The following ZNF92 variants were observed in gnomAD, a reference collection of about 807,000 sequenced individuals.
ZNF92 encodes the protein epididymis luminal protein 203.
A neutral mutation model predicts 12.4 loss-of-function variants in ZNF92; 11 were observed. The observed-to-expected ratio is 0.89, with a 90% CI of 0.56 to 1.47. The LOEUF (loss-of-function observed/expected upper bound fraction) is 1.47, where lower values mean the gene tolerates loss of function less well. Among genes scored for constraint, ZNF92 ranks in the 40% most tolerant of loss-of-function variants. ZNF92 has a pLI of 0.00. For missense variants in ZNF92, 622 were observed against 681.0 expected (o/e 0.91, Z 0.96); for synonymous variants, 206 against 228.6 (o/e 0.90, Z 0.89).
chr7:65,383,624 A>G (rs1484123190), intron 1 of ZNF92, among the ~76,000 whole-genome samples: 2 of 152,076 alleles, frequency 1.3e-5, no homozygotes, highest in South Asian at 2.1e-4. Flanking sequence ...AAAGCATCTT[A>G]GGAGTGAGAG....
At position 65,398,734 on chromosome 7, in the gene ZNF92, G is replaced by A. The variant is rs754143218; in HGVS notation, c.620G>A (p.Gly207Asp). The change falls in exon 4 of 4, where the codon GGT becomes GAT. Residue 207 changes from glycine (G) to aspartate (D), a missense_variant. Transcript: ENST00000328747. ...TATTCTTACAAATGTGAAGAATGTG[G>A]TAAAGCCTTTAACTGGTCCTCAACC... Reference protein sequence around the residue: ...REYSYKCEECGKAFNWSSTLT... With the variant: ...REYSYKCEECDKAFNWSSTLT... 30 of 1,612,578 alleles carry A rather than the reference G, an allele frequency of 1.9e-5. No homozygotes were observed. Among genetic ancestry groups the A allele is most frequent in the Non-Finnish European group, 2.3e-5 (27 of 1,179,604 alleles).
intron 3 of ZNF92, among the ~76,000 whole-genome samples, chr7:65,392,582 G>A (rs992647863): frequency 5.3e-5 from 8 of 150,668 alleles, no homozygotes; most frequent in Non-Finnish European, 8.8e-5. Context: ...TGTTGCCCAG[G>A]CTGGAGTACA....
rs760829526 is a variant in ZNF92 at position 65,387,955 on chromosome 7, A to G, written c.57A>G (p.Gln19=). The G allele has an allele frequency of 1.2e-6, 2 of 1,606,880 alleles. No homozygotes were observed. The highest frequency in any genetic ancestry group is 1.7e-6 in the Non-Finnish European group (2 of 1,177,560). ...TAGAATTCTCTCTAGAGGAATGGCA[A>G]TGCCTGGACACTGCGCAGCGGAATT... is the stretch of plus-strand genomic sequence containing the variant. The part of the protein sequence containing the change: ...VKIEFSLEEW[Q]CLDTAQRNLY... Residue 19 remains glutamine (Q), a synonymous_variant, in exon 2 of 4, where the codon CAA becomes CAG. Coordinates refer to ENST00000328747, the MANE Select transcript of ZNF92 (RefSeq NM_152626.4).
chr7:65,396,648 T>G (rs1035438776), intron 3 of ZNF92, among the ~76,000 whole-genome samples: 1 of 152,064 alleles, frequency 6.6e-6, no homozygotes, highest in African/African-American at 2.4e-5. Flanking sequence ...CTGTGCAGCA[T>G]TATTTTATTT....
intron 3 of ZNF92, 117 bp downstream of exon 3, chr7:65,389,018 G>C: frequency 1.2e-6 from 1 of 856,322 alleles, no homozygotes; most frequent in Non-Finnish European, 1.7e-6. Context: ...GGAGTGCAAG[G>C]GTGTGATCTT....
At chr7:65,375,596 G>GAAAA (rs563978435) in intron 1 of ZNF92, among the ~76,000 whole-genome samples, 2 of 145,280 alleles carry the variant, frequency 1.4e-5, no homozygotes, top group African/African-American at 2.5e-5. Flanking sequence ...AAGATTTGTG[G>GAAAA]AAAAAAAAAA....
At position 65,389,228 on chromosome 7, in the gene ZNF92, G is replaced by A. The variant is rs538987247; in HGVS notation, c.226+327G>A. ...CCCGCCTCAGCCTTCCAAAAGTGCT[G>A]GGATTACAGGCGTGAGCCACTGCGC... On this transcript the variant is annotated intron_variant, in intron 3 of 3. Transcript: ENST00000328747. Among the ~76,000 whole-genome samples, 7 of 152,146 alleles carry A rather than the reference G, an allele frequency of 4.6e-5. No homozygotes were observed. In the South Asian group the frequency reaches 1.2e-3, roughly 27 times the overall value.
intron 1 of ZNF92, among the ~76,000 whole-genome samples, chr7:65,381,997 C>T (rs568313259): frequency 3.3e-5 from 5 of 152,206 alleles, no homozygotes; most frequent in African/African-American, 1.2e-4. Flanking sequence ...TCAACCATTT[C>T]TATAGGAGAG....
intron 1 of ZNF92, 31 bp downstream of exon 1, chr7:65,374,031 A>AG: frequency 6.2e-7 from 1 of 1,613,902 alleles, no homozygotes; most frequent in Non-Finnish European, 8.5e-7. Context: ...ATCCCGAGAG[A>AG]GGGGGAGGGT....
intron 1 of ZNF92, among the ~76,000 whole-genome samples, chr7:65,387,328 A>C (rs1336479266): frequency 1.3e-5 from 2 of 150,118 alleles, no homozygotes; most frequent in African/African-American, 4.9e-5. Context: ...TTTTCTTTGC[A>C]TATATCTGTC....
chr7:65,400,344 C>G lies in ZNF92; in HGVS notation c.*469C>G, dbSNP rs1185895576. 6.6e-6 allele frequency: 1 copy of G among 152,124 alleles called. No individual in the cohort carries two copies. The highest frequency in any genetic ancestry group is 2.4e-5 in the African/African-American group (1 of 41,382). The allele number at this position is 152,124 out of a possible 1,614,324, so 9.4% of individuals were successfully genotyped here. A position where few individuals can be genotyped will look rare whatever the true frequency, so the allele number is the denominator to read the frequency against. On this transcript the variant is annotated 3_prime_UTR_variant, in exon 4 of 4. Coordinates refer to ENST00000328747, the MANE Select transcript of ZNF92 (RefSeq NM_152626.4). ...AACCCTAAAGCATTAGTTGCTCAAA[C>G]TTTGTTCGACATCAGGGAATTTGTA...
chr7:65,394,330 A>G (rs913061478), intron 3 of ZNF92, among the ~76,000 whole-genome samples: 1 of 151,830 alleles, frequency 6.6e-6, no homozygotes, highest in Non-Finnish European at 1.5e-5. Context: ...TTGTGTGCTC[A>G]TGGCAACTTT....
chr7:65,376,850 T>A (rs1324000125), intron 1 of ZNF92, among the ~76,000 whole-genome samples: 1 of 152,166 alleles, frequency 6.6e-6, no homozygotes, highest in East Asian at 1.9e-4. Context: ...CCATTTTGGC[T>A]GTAGAAAATG....
intron 1 of ZNF92, among the ~76,000 whole-genome samples, chr7:65,378,737 G>A (rs955246651): frequency 1.3e-4 from 11 of 84,248 alleles, no homozygotes; most frequent in Non-Finnish European, 2.7e-4. Flanking sequence ...GCAAGACTCC[G>A]TCTCAAAAAA....
intron 1 of ZNF92, among the ~76,000 whole-genome samples, chr7:65,380,567 C>G (rs937281790): frequency 2.0e-5 from 3 of 152,160 alleles, no homozygotes; most frequent in Non-Finnish European, 4.4e-5. Context: ...CCACTATGCT[C>G]AACCACAATG....
intron 2 of ZNF92, 123 bp from the exon 3 acceptor site, chr7:65,388,683 A>T: frequency 1.3e-6 from 1 of 741,464 alleles, no homozygotes; most frequent in Non-Finnish European, 2.0e-6. Context: ...TATTTGTCAT[A>T]AATTAGTATT....
Position 65,399,121 on chromosome 7 carries a change from C to T in ZNF92, c.1007C>T (p.Thr336Ile). ...SILKKHKIIHTGEKPYKCEEC... is the reference protein window; with the variant it reads ...SILKKHKIIHIGEKPYKCEEC... ...CTTAAAAAACATAAGATAATCCATA[C>T]TGGGGAAAAACCATACAAATGTGAA... Residue 336 changes from threonine (T) to isoleucine (I), a missense_variant, in exon 4 of 4, where the codon ACT becomes ATT. Transcript: ENST00000328747. 3 of 1,612,696 alleles carry T rather than the reference C, an allele frequency of 1.9e-6. No individual in the cohort carries two copies. Among genetic ancestry groups the T allele is most frequent in the Non-Finnish European group, 2.5e-6 (3 of 1,179,416 alleles).
chr7:65,382,116 G>A (rs1256431160), intron 1 of ZNF92, among the ~76,000 whole-genome samples: 2 of 151,970 alleles, frequency 1.3e-5, no homozygotes, highest in South Asian at 2.1e-4. Context: ...TAGCTTACAC[G>A]GATGGCCTCC....
chr7:65,382,588 A>C (rs1793449984), intron 1 of ZNF92, among the ~76,000 whole-genome samples: 2 of 152,104 alleles, frequency 1.3e-5, no homozygotes, highest in Non-Finnish European at 2.9e-5. Flanking sequence ...ACAGAACAGC[A>C]ATTAACCATT....
Sources: gnomAD v4.1 joint callset for allele counts (sites outside exome capture counted in the v4.1 genomes callset) on GRCh38, gnomAD v4.1.1 for gene constraint, MANE v1.5 for transcripts, NCBI Gene and HGNC (gene_info 2026-07-23, HGNC 2026-07-21) for gene names.